TRAF3: variants seen among roughly 807,000 people sequenced by gnomAD.
The protein encoded by TRAF3 is TNF receptor associated factor 3.
Under a neutral mutation model 62.3 loss-of-function variants are expected in TRAF3, and 13 were observed. The observed-to-expected ratio is 0.21, with a 90% CI of 0.14 to 0.33. TRAF3 has a LOEUF of 0.33. TRAF3 is among the 10% of genes least tolerant of loss of function. The pLI, the probability that TRAF3 is intolerant of heterozygous loss-of-function variation, is 1.00. For missense variants in TRAF3, 440 were observed against 741.8 expected, an observed-to-expected ratio of 0.59 and a Z score of 4.73; for synonymous variants, 269 against 283.4, an observed-to-expected ratio of 0.95 and a Z score of 0.51.
At chr14:102,834,801 A>G (rs756128749) in intron 2 of TRAF3, among the ~76,000 whole-genome samples, 3 of 152,166 alleles carry the variant, frequency 2.0e-5, no homozygotes, top group Admixed American at 1.3e-4. Context: ...AAACCCTGCA[A>G]GACAACCTAG....
rs180714009 is a variant in TRAF3 at position 102,818,954 on chromosome 14, A to G, written c.-156-11380A>G. On this transcript the variant is annotated intron_variant, in intron 1 of 11. Transcript: ENST00000392745. ...TAAATAAATACAATTTTTTTTGTCA[A>G]TTAAATTTTTTAAAAATTACAAGAG... is the stretch of plus-strand genomic sequence containing the variant. Among the ~76,000 whole-genome samples, 30 of 152,180 alleles carry G rather than the reference A, an allele frequency of 2.0e-4. 1 individual carries two copies. In the East Asian group the frequency reaches 5.6e-3, roughly 28 times the overall value.
intron 8 of TRAF3, 81 bp downstream of exon 8, chr14:102,889,715 A>T: frequency 6.6e-7 from 1 of 1,511,078 alleles, no homozygotes; most frequent in South Asian, 1.1e-5. Context: ...TTTAACATGC[A>T]AGCTCTGGAC....
rs145391228 is a variant in TRAF3 at position 102,905,373 on chromosome 14, C to T, written c.1296C>T (p.Ala432=). 249 of 1,614,116 alleles carry T rather than the reference C, an allele frequency of 1.5e-4. No homozygotes were observed. Among genetic ancestry groups the T allele is most frequent in the Middle Eastern group, 1.6e-4 (1 of 6,084 alleles). Residue 432 remains alanine, a synonymous_variant, in exon 12 of 12, where the codon GCC becomes GCT. Transcript: ENST00000392745. ...ACTACAAGCGGCGGAAGCAGGAGGC[C>T]GTCATGGGGAAGACCCTGTCCCTTT... ...IRDYKRRKQE[A]VMGKTLSLYS...
chr14:102,784,278 A>G (rs1453109612), intron 1 of TRAF3, among the ~76,000 whole-genome samples: 1 of 136,390 alleles, frequency 7.3e-6, no homozygotes, highest in Non-Finnish European at 1.5e-5. Context: ...GCTGGAGTGC[A>G]GTGGCACGAT....
chr14:102,795,619 T>TGTGTGTGTGTGTGTGC (rs767401587), intron 1 of TRAF3, among the ~76,000 whole-genome samples: 6 of 151,848 alleles, frequency 4.0e-5, no homozygotes, highest in Non-Finnish European at 5.9e-5. Context: ...TGTGTGTGTG[T>TGTGTGTGTGTGTGTGC]GCATAGTTTT....
At chr14:102,860,074 G>A (rs1285286765) in intron 2 of TRAF3, among the ~76,000 whole-genome samples, 1 of 152,170 alleles carries the variant, frequency 6.6e-6, no homozygotes, top group African/African-American at 2.4e-5. Flanking sequence ...ATCCCCCATG[G>A]GAGTCTTATC....
intron 1 of TRAF3, among the ~76,000 whole-genome samples, chr14:102,814,025 A>G (rs1265491447): frequency 3.3e-5 from 5 of 152,064 alleles, no homozygotes; most frequent in African/African-American, 1.2e-4. Flanking sequence ...GTTTTGTAGT[A>G]GTTTTATCAT....
At chr14:102,814,339 A>C (rs981477562) in intron 1 of TRAF3, among the ~76,000 whole-genome samples, 5 of 152,074 alleles carry the variant, frequency 3.3e-5, no homozygotes, top group African/African-American at 9.7e-5. Flanking sequence ...TGCTTACTAC[A>C]GCTTTGTAGT....
chr14:102,876,283 A>C, intron 5 of TRAF3, 75 bp from the exon 6 acceptor site: 5 of 1,528,264 alleles, frequency 3.3e-6, no homozygotes, highest in Non-Finnish European at 4.5e-6. Flanking sequence ...GTTTCATTGC[A>C]TAGAGATTAG....
At chr14:102,877,789 A>G (rs941792881) in intron 6 of TRAF3, among the ~76,000 whole-genome samples, 11 of 134,734 alleles carry the variant, frequency 8.2e-5, no homozygotes, top group South Asian at 2.5e-4. Flanking sequence ...TAGATAATCC[A>G]TTCCACAGGC....
chr14:102,888,583 A>G (rs921608581), intron 7 of TRAF3, among the ~76,000 whole-genome samples: 8 of 152,196 alleles, frequency 5.3e-5, no homozygotes, highest in African/African-American at 1.4e-4. Flanking sequence ...GAACACATGC[A>G]TGCTGGCACA....
Position 102,897,283 on chromosome 14 carries a change from G to C in TRAF3, c.842G>C (p.Ser281Thr). 1 of 1,613,430 alleles carries C rather than the reference G, an allele frequency of 6.2e-7. No homozygotes were observed. Among genetic ancestry groups the C allele is most frequent in the Non-Finnish European group, 8.5e-7 (1 of 1,179,726 alleles). ...EKKVSLLQNE[S>T]VEKNKSIQSL... The stretch of plus-strand genomic sequence containing the variant: ...TAGGTTTCCTTGTTGCAGAATGAAA[G>C]TGTAGAAAAAAACAAGAGCATACAA... Residue 281 changes from serine (S) to threonine (T), a missense_variant, in exon 10 of 12, where the codon AGT becomes ACT. Transcript: ENST00000392745.
At chr14:102,793,371 C>G (rs1305374989) in intron 1 of TRAF3, among the ~76,000 whole-genome samples, 3 of 152,042 alleles carry the variant, frequency 2.0e-5, no homozygotes, top group East Asian at 3.9e-4. Flanking sequence ...CCAGGCTGGT[C>G]TTCGACTCCA....
intron 2 of TRAF3, among the ~76,000 whole-genome samples, chr14:102,863,127 TGTTA>T (rs1233797878): frequency 6.6e-6 from 1 of 152,230 alleles, no homozygotes; most frequent in Non-Finnish European, 1.5e-5. Context: ...AAACAATTTC[TGTTA>T]GTTGCCTTTT....
Position 102,910,376 on chromosome 14 carries a change from C to T in TRAF3, c.*4592C>T, listed in dbSNP as rs1401246245. Reference sequence around the variant, plus strand: ...AATGAGGGTCTGTCACCCAAATCTACTTCTCAGCCCATGACCATAGTTCTG... The same window carrying T: ...AATGAGGGTCTGTCACCCAAATCTATTTCTCAGCCCATGACCATAGTTCTG... On this transcript the variant is annotated 3_prime_UTR_variant, in exon 12 of 12. Transcript: ENST00000392745. 5 of 152,294 alleles carry T rather than the reference C, an allele frequency of 3.3e-5. No homozygotes were observed. Among genetic ancestry groups the T allele is most frequent in the African/African-American group, 4.8e-5 (2 of 41,478 alleles). The allele number at this position is 152,294 out of a possible 1,614,324, so 9.4% of individuals were successfully genotyped here. A position where few individuals can be genotyped will look rare whatever the true frequency, so the allele number is the denominator to read the frequency against.
In TRAF3 at chr14:102,777,732, C is replaced by CGGT. The variant is rs1897072493; in HGVS notation, c.-157+57_-157+58insGGT. 4.8e-5 allele frequency: 7 copies of CGGT among 144,752 alleles called. No individual in the cohort carries two copies. In the South Asian group the frequency reaches 6.3e-4, roughly 13 times the overall value. 9.0% of individuals were successfully genotyped at this position (144,752 alleles called of 1,614,324 possible). A position where few individuals can be genotyped will look rare whatever the true frequency, so the allele number is the denominator to read the frequency against. On this transcript the variant is annotated intron_variant, in intron 1 of 11. Coordinates refer to ENST00000392745, the MANE Select transcript of TRAF3 (RefSeq NM_145725.3). ...GGCGCGCGGCCGGGCGCCTCCATCC[C>CGGT]CGTCGCCTCCATCCCGCGCCCTGGG...
intron 9 of TRAF3, among the ~76,000 whole-genome samples, chr14:102,892,602 C>G (rs1435654728): frequency 6.6e-6 from 1 of 152,152 alleles, no homozygotes; most frequent in Non-Finnish European, 1.5e-5. Context: ...CTATTGAGAA[C>G]TTGTAGTAGG....
intron 2 of TRAF3, among the ~76,000 whole-genome samples, chr14:102,833,703 T>C (rs1885789308): frequency 6.6e-6 from 1 of 152,182 alleles, no homozygotes; most frequent in South Asian, 2.1e-4. Context: ...TTAAAAATAT[T>C]CGGGCATGTG....
chr14:102,800,149 G>A (rs1241209123), intron 1 of TRAF3, among the ~76,000 whole-genome samples: 1 of 152,168 alleles, frequency 6.6e-6, no homozygotes, highest in African/African-American at 2.4e-5. Context: ...ATTTCTATCA[G>A]TTAAGACCCT....
Sources: allele counts gnomAD v4.1 joint callset (sites outside exome capture counted in the v4.1 genomes callset), GRCh38; gene constraint gnomAD v4.1.1; transcripts MANE v1.5; gene names NCBI Gene and HGNC (gene_info 2026-07-23, HGNC 2026-07-21).